WHAMM: variants seen among roughly 807,000 people sequenced by gnomAD.
The protein encoded by WHAMM is WASP homolog associated with actin, golgi membranes and microtubules, also known as WASP homolog-associated protein with actin, membranes and microtubules.
In WHAMM, 67 loss-of-function variants were observed where a neutral mutation model predicts 76.5. The ratio of observed to expected loss-of-function variants is 0.88; its 90% CI spans 0.72 to 1.07. The LOEUF (loss-of-function observed/expected upper bound fraction) is 1.07. WHAMM is among the 50% of genes least tolerant of loss of function. The probability of loss-of-function intolerance (pLI) is 0.00; values close to 1 mark genes in which losing one functional copy is unlikely to be tolerated. For synonymous variants in WHAMM, 419 were observed against 422.1 expected (o/e 0.99, Z 0.09); for missense variants, 1,021 against 1,051.1 (o/e 0.97, Z 0.40).
intron 6 of WHAMM, among the ~76,000 whole-genome samples, 173 bp downstream of exon 6, chr15:82,823,460 AT>A (rs564226713): frequency 1.3e-5 from 2 of 152,038 alleles, no homozygotes; most frequent in East Asian, 1.9e-4. Flanking sequence ...TCTTAAAAAT[AT>A]TTTTTTTCTT....
intron 8 of WHAMM, among the ~76,000 whole-genome samples, chr15:82,828,857 A>G (rs1193014333): frequency 6.6e-6 from 1 of 152,186 alleles, no homozygotes. Context: ...AATTTTGGGT[A>G]AAAGAATTTA....
At chr15:82,822,979 TTAA>T (rs1190824729) in intron 5 of WHAMM, 118 bp from the exon 6 acceptor site, 12 of 804,604 alleles carry the variant, frequency 1.5e-5, no homozygotes, top group Admixed American at 3.8e-5. Context: ...TTCATATATG[TTAA>T]TAGTGCTTCT....
intron 3 of WHAMM, among the ~76,000 whole-genome samples, chr15:82,817,548 T>TTA (rs1486182090): frequency 6.6e-6 from 1 of 152,170 alleles, no homozygotes; most frequent in Admixed American, 6.5e-5. Context: ...TGGCAAGAGT[T>TTA]TCTGATACAT....
chr15:82,835,101 T>C lies in WHAMM; in HGVS notation c.*1565T>C, dbSNP rs888003168. ...TTTACAAAGAAAGTCCTGATTGATA[T>C]AGAACAGAAATCTTCCTACTTCAGT... On this transcript the variant is annotated 3_prime_UTR_variant, in exon 10 of 10. Coordinates refer to ENST00000286760, the MANE Select transcript of WHAMM (RefSeq NM_001080435.3). 2.7e-5 allele frequency: 4 copies of C among 150,842 alleles called. No homozygotes were observed. Among genetic ancestry groups the C allele is most frequent in the East Asian group, 2.0e-4 (1 of 5,104 alleles). 9.3% of individuals were successfully genotyped at this position (150,842 alleles called of 1,614,324 possible).
At position 82,816,835 on chromosome 15, in the gene WHAMM, A is replaced by G. The variant is rs1228887621; in HGVS notation, c.927A>G (p.Ala309=). ...ATTATTTTAAGGAGACAGTAAAAGC[A>G]TTAGCAGGTGATAATTTAAAAAATG... is the stretch of plus-strand genomic sequence containing the variant. The part of the protein sequence containing the change: ...TVNYFKETVK[A]LAGMQKEMEQ... The change falls in exon 3 of 10, where the codon GCA becomes GCG. Residue 309 remains alanine (A), a synonymous_variant. Transcript: ENST00000286760. 6.4e-7 allele frequency: 1 copy of G among 1,555,950 alleles called. No individual in the cohort carries two copies. Among genetic ancestry groups the G allele is most frequent in the South Asian group, 1.2e-5 (1 of 82,952 alleles).
chr15:82,823,040 AT>A, intron 5 of WHAMM, 59 bp from the exon 6 acceptor site: 1 of 1,252,890 alleles, frequency 8.0e-7, no homozygotes, highest in Non-Finnish European at 1.0e-6. Context: ...ATTTAAAAAA[AT>A]TCAATGCATT....
Position 82,833,427 on chromosome 15 carries a change from C to A in WHAMM, c.2321C>A (p.Thr774Asn). ...AGCAAACCAACCAGCAACAGACGCA[C>A]CAGTGACCTTGAGAGGAGCATCAAG... ...PSSKPTSNRR[T>N]SDLERSIKAA... The change falls in exon 10 of 10, where the codon ACC (threonine) becomes AAC (asparagine). Residue 774 changes from threonine (T) to asparagine (N), a missense_variant. Thr to Asn is a moderately conservative substitution (Grantham distance 65, BLOSUM62 0). Around this residue, in one of 3 missense-constraint regions of WHAMM, gnomAD observed 509 missense variants for 492.3 expected, o/e 1.03. Coordinates refer to ENST00000286760, the MANE Select transcript of WHAMM (RefSeq NM_001080435.3). 2 of 1,614,020 alleles carry A rather than the reference C, an allele frequency of 1.2e-6. No homozygotes were observed.
rs377706855 is a variant in WHAMM, at chr15:82,833,582, T to C, written c.*46T>C. ...CCTGCCACAGTAGGCTTGAATAAAGTGGGTGAGTCTTAGACCTATCGAAAA... is the reference window on the plus strand; with the variant it reads ...CCTGCCACAGTAGGCTTGAATAAAGCGGGTGAGTCTTAGACCTATCGAAAA... On this transcript the variant is annotated 3_prime_UTR_variant, in exon 10 of 10. Coordinates refer to ENST00000286760, the MANE Select transcript of WHAMM (RefSeq NM_001080435.3). The C allele has an allele frequency of 6.3e-7, 1 of 1,593,256 alleles. No homozygotes were observed.
rs994023318 is a variant in WHAMM, at chr15:82,834,545, A to G, written c.*1009A>G. 1 of 152,682 alleles carries G rather than the reference A, an allele frequency of 6.5e-6. No homozygotes were observed. Among genetic ancestry groups the G allele is most frequent in the African/African-American group, 2.4e-5 (1 of 41,464 alleles). 9.5% of individuals were successfully genotyped at this position (152,682 alleles called of 1,614,324 possible). ...TTACACTACACTGGTAAGCAGTACT[A>G]TTAGACTACTGACTGTGGCCTTCTG... is the stretch of plus-strand genomic sequence containing the variant. On this transcript the variant is annotated 3_prime_UTR_variant, in exon 10 of 10. Transcript: ENST00000286760.
intron 8 of WHAMM, among the ~76,000 whole-genome samples, chr15:82,827,638 G>T (rs1452471498): frequency 1.3e-5 from 2 of 152,124 alleles, no homozygotes; most frequent in African/African-American, 2.4e-5. Context: ...AGGTAAATAG[G>T]TTTTTTAAAA....
In WHAMM at chr15:82,813,168, T is replaced by G. The variant is rs1197866789; in HGVS notation, c.675T>G (p.Asp225Glu). 6.2e-7 allele frequency: 1 copy of G among 1,612,904 alleles called. No homozygotes were observed. Among genetic ancestry groups the G allele is most frequent in the East Asian group, 2.2e-5 (1 of 44,870 alleles). ...TAATGAACGTTTACCAAGAGGAAGA[T>G]GAAGCATACCAGGAATTGGTTACCG... ...VALMNVYQEE[D>E]EAYQELVTVA... The change falls in exon 2 of 10, where the codon GAT becomes GAG. Residue 225 changes from aspartate (D) to glutamate (E), a missense_variant. By Grantham distance (45) the Asp-to-Glu change is conservative. Around this residue, in one of 3 missense-constraint regions of WHAMM, gnomAD observed 501 missense variants for 524.9 expected, o/e 0.95. Coordinates refer to ENST00000286760, the MANE Select transcript of WHAMM (RefSeq NM_001080435.3).
At position 82,813,282 on chromosome 15, in the gene WHAMM, T is replaced by G. The variant is rs2050660982; in HGVS notation, c.783+6T>G. ...TATGTAAGCTTGATATTTTGGTATG[T>G]TTTTTTAAAATTTTTACTTTATCAG... is the stretch of plus-strand genomic sequence containing the variant. On this transcript the variant is annotated splice_donor_region_variant and intron_variant, in intron 2 of 9. Coordinates refer to ENST00000286760, the MANE Select transcript of WHAMM (RefSeq NM_001080435.3). 6.6e-7 allele frequency: 1 copy of G among 1,521,718 alleles called. No individual in the cohort carries two copies. The highest frequency in any genetic ancestry group is 8.8e-7 in the Non-Finnish European group (1 of 1,136,632). 94.3% of individuals were successfully genotyped at this position (1,521,718 alleles called of 1,614,324 possible).
chr15:82,811,851 T>TA (rs975843002), intron 1 of WHAMM, among the ~76,000 whole-genome samples: 190 of 148,748 alleles, frequency 1.3e-3, no homozygotes, highest in Admixed American at 4.4e-3. Flanking sequence ...GGCTTTCACT[T>TA]AAAAAAAAAA....
chr15:82,818,174 G>A, intron 4 of WHAMM, 85 bp downstream of exon 4: 1 of 1,414,490 alleles, frequency 7.1e-7, no homozygotes, highest in Non-Finnish European at 9.5e-7. Context: ...TACAAGTGCA[G>A]TTTTTGTTCC....
chr15:82,827,298 A>G lies in WHAMM; in HGVS notation c.1641+452A>G, dbSNP rs1458266427. ...TAGTGGGTTTTTTTTTGATATCTAC[A>G]ACTTTCTTTTTTCTTTTTTTGAAGT... On this transcript the variant is annotated intron_variant, in intron 8 of 9. Coordinates refer to ENST00000286760, the MANE Select transcript of WHAMM (RefSeq NM_001080435.3). Among the ~76,000 whole-genome samples the G allele has an allele frequency of 2.6e-5, 4 of 152,144 alleles. No homozygotes were observed. The East Asian group carries it at 7.7e-4, about 29-fold the overall frequency.
rs1029817491 is a variant in WHAMM, at chr15:82,835,319, G to A, written c.*1783G>A. On this transcript the variant is annotated 3_prime_UTR_variant, in exon 10 of 10. Transcript: ENST00000286760. The stretch of plus-strand genomic sequence containing the variant: ...TTTTTATATTTTTAGTAGAGATGGG[G>A]TTTCACCATGTTGGCAGGATGGTCT... The A allele has an allele frequency of 1.3e-5, 2 of 152,224 alleles. No homozygotes were observed. The highest frequency in any genetic ancestry group is 1.3e-4 in the Admixed American group (2 of 15,264). The allele number at this position is 152,224 out of a possible 1,614,324, so 9.4% of individuals were successfully genotyped here. A position where few individuals can be genotyped will look rare whatever the true frequency, so the allele number is the denominator to read the frequency against.
At chr15:82,832,878 CTA>C (rs2051053996) in intron 9 of WHAMM, among the ~76,000 whole-genome samples, 1 of 152,138 alleles carries the variant, frequency 6.6e-6, no homozygotes, top group African/African-American at 2.4e-5. Context: ...GTGGGTGAGA[CTA>C]TTCCACCCCA....
chr15:82,816,930 G>A, intron 3 of WHAMM, 88 bp downstream of exon 3: 2 of 1,313,040 alleles, frequency 1.5e-6, no homozygotes, highest in Non-Finnish European at 2.1e-6. Context: ...TACGCACTAG[G>A]TACTATGTTT....
In WHAMM at chr15:82,810,124, C is replaced by T. The variant is rs1313924088; in HGVS notation, c.398C>T (p.Thr133Met). Reference sequence around the variant, plus strand: ...GGGCTGTGGGCGCTGCTGTGGCCGACGCGCGCGGGTCCCGGCGAGGCGGCG... The same window carrying T: ...GGGCTGTGGGCGCTGCTGTGGCCGATGCGCGCGGGTCCCGGCGAGGCGGCG... Reference protein sequence around the residue: ...GLGLWALLWPTRAGPGEAALQ... With the variant: ...GLGLWALLWPMRAGPGEAALQ... Residue 133 changes from threonine (T) to methionine (M), a missense_variant, in exon 1 of 10, where the codon ACG becomes ATG. Thr to Met is a moderately conservative substitution (Grantham distance 81). Transcript: ENST00000286760. 4.2e-5 allele frequency: 57 copies of T among 1,347,438 alleles called. No individual in the cohort carries two copies. Among genetic ancestry groups the T allele is most frequent in the Non-Finnish European group, 4.9e-5 (51 of 1,043,032 alleles). 83.5% of individuals were successfully genotyped at this position (1,347,438 alleles called of 1,614,324 possible).
Sources: gnomAD v4.1 joint callset for allele counts (sites outside exome capture counted in the v4.1 genomes callset) on GRCh38, gnomAD v4.1.1 for gene constraint, gnomAD v4.1.1 regional missense constraint, MANE v1.5 for transcripts, NCBI Gene and HGNC (gene_info 2026-07-23, HGNC 2026-07-21) for gene names.